DLG1: variants seen among roughly 807,000 people sequenced by gnomAD.
The protein encoded by DLG1 is disks large homolog 1.
Under a neutral mutation model 123.4 loss-of-function variants are expected in DLG1, and 42 were observed. That is an observed-to-expected ratio of 0.34 (90% confidence interval 0.27 to 0.44). The LOEUF is 0.44. Ranked by LOEUF, DLG1 falls within the 20% of genes least tolerant of loss-of-function variation. The probability of loss-of-function intolerance (pLI) is 1.00; values close to 1 mark genes in which losing one functional copy is unlikely to be tolerated. For missense variants in DLG1, 942 were observed against 1,082.6 expected (o/e 0.87, Z 1.82); for synonymous variants, 317 against 356.2 (o/e 0.89, Z 1.24).
chr3:197,170,466 T>C (rs1366620055), intron 5 of DLG1, among the ~76,000 whole-genome samples: 4 of 152,178 alleles, frequency 2.6e-5, no homozygotes, highest in South Asian at 2.1e-4. Context: ...TGGTGTGAGA[T>C]GGTATCTCGT....
intron 3 of DLG1, among the ~76,000 whole-genome samples, chr3:197,293,240 AC>A (rs1325749390): frequency 6.6e-6 from 1 of 152,214 alleles, no homozygotes; most frequent in African/African-American, 2.4e-5. Flanking sequence ...CAGTTCATGG[AC>A]TTTTGTTAAG....
At chr3:197,297,122 T>C in intron 2 of DLG1, 64 bp downstream of exon 2, 1 of 1,583,068 alleles carries the variant, frequency 6.3e-7, no homozygotes, top group Non-Finnish European at 8.7e-7. Context: ...AAAACGGCAA[T>C]CAAAAAACTG....
At chr3:197,124,793 C>T (rs924970056) in intron 11 of DLG1, among the ~76,000 whole-genome samples, 18 of 151,946 alleles carry the variant, frequency 1.2e-4, no homozygotes, top group Admixed American at 1.0e-3. Flanking sequence ...AATCAGCTCT[C>T]GGTGATATTA....
intron 4 of DLG1, among the ~76,000 whole-genome samples, chr3:197,254,951 G>A (rs1440227722): frequency 1.3e-5 from 2 of 152,032 alleles, no homozygotes; most frequent in Non-Finnish European, 2.9e-5. Context: ...AGCTACTCAG[G>A]AGGATGAGGC....
intron 5 of DLG1, among the ~76,000 whole-genome samples, chr3:197,191,719 G>A (rs188128519): frequency 1.3e-4 from 20 of 152,274 alleles, no homozygotes; most frequent in African/African-American, 4.6e-4. Context: ...CCGTGCTGAG[G>A]TTCTTATGTT....
intron 18 of DLG1, among the ~76,000 whole-genome samples, chr3:197,072,976 C>T (rs530344814): frequency 2.6e-5 from 4 of 152,154 alleles, no homozygotes; most frequent in Non-Finnish European, 5.9e-5. Flanking sequence ...GGATTACAGG[C>T]GTGAGTCACC....
At chr3:197,093,164 T>C (rs1415911979) in intron 14 of DLG1, among the ~76,000 whole-genome samples, 1 of 152,000 alleles carries the variant, frequency 6.6e-6, no homozygotes, top group Non-Finnish European at 1.5e-5. Flanking sequence ...ACATTTCTTT[T>C]CTTTTTGTTT....
At chr3:197,195,824 T>C (rs1258744260) in intron 4 of DLG1, among the ~76,000 whole-genome samples, 1 of 67,224 alleles carries the variant, frequency 1.5e-5, no homozygotes, top group Admixed American at 1.4e-4. Flanking sequence ...CAAGCCTCAG[T>C]GACACCAATT....
chr3:197,087,616 A>G (rs928093468), intron 15 of DLG1, among the ~76,000 whole-genome samples: 1 of 152,184 alleles, frequency 6.6e-6, no homozygotes, highest in Non-Finnish European at 1.5e-5. Context: ...AATACAAAAG[A>G]GAGAAGACAA....
intron 24 of DLG1, among the ~76,000 whole-genome samples, chr3:197,048,480 C>G (rs143450856): frequency 6.6e-6 from 1 of 151,962 alleles, no homozygotes; most frequent in Admixed American, 6.6e-5. Context: ...CAAACACACA[C>G]GCAAACCATA....
intron 6 of DLG1, among the ~76,000 whole-genome samples, chr3:197,143,389 G>A (rs1186929298): frequency 6.6e-6 from 1 of 152,112 alleles, no homozygotes; most frequent in Non-Finnish European, 1.5e-5. Flanking sequence ...CCGAGTAGCT[G>A]GGACTACAGG....
chr3:197,275,176 ACT>A (rs1765807612), intron 4 of DLG1, among the ~76,000 whole-genome samples: 2 of 132,346 alleles, frequency 1.5e-5, no homozygotes, highest in Non-Finnish European at 3.3e-5. Flanking sequence ...ACAGAGCAAG[ACT>A]CTGTCTCAAA....
At chr3:197,288,743 A>AC (rs1553827363) in intron 3 of DLG1, among the ~76,000 whole-genome samples, 1 of 72,100 alleles carries the variant, frequency 1.4e-5, no homozygotes. Flanking sequence ...AAAAAAAAAA[A>AC]ATACATACAT....
intron 22 of DLG1, 147 bp downstream of exon 22, chr3:197,065,129 C>T (rs2148878772): frequency 1.5e-6 from 1 of 668,946 alleles, no homozygotes; most frequent in East Asian, 3.0e-5. Flanking sequence ...TATGCACTTT[C>T]CTAAGCCATG....
Position 197,112,621 on chromosome 3 carries a change from C to CT in DLG1, c.1443+3305dup, listed in dbSNP as rs1471714951. ...TTTTTTTTTGAGACAGGGTGTTGCT[C>CT]TGTTGCCCAGGCTGGAGTGCAGTGG... On this transcript the variant is annotated intron_variant, in intron 13 of 24. Coordinates refer to ENST00000667157, the MANE Select transcript of DLG1 (RefSeq NM_001366207.1). Among the ~76,000 whole-genome samples, 7 of 151,622 alleles carry CT rather than the reference C, an allele frequency of 4.6e-5. No individual in the cohort carries two copies. The South Asian group carries it at 1.3e-3, about 27-fold the overall frequency.
chr3:197,292,781 T>G (rs1223303757), intron 3 of DLG1, among the ~76,000 whole-genome samples: 2 of 152,200 alleles, frequency 1.3e-5, no homozygotes, highest in African/African-American at 4.8e-5. Flanking sequence ...AACACTGCAT[T>G]AGAATAAGCT....
chr3:197,278,713 C>T (rs1339303112), intron 4 of DLG1, among the ~76,000 whole-genome samples: 1 of 151,226 alleles, frequency 6.6e-6, no homozygotes, highest in Non-Finnish European at 1.5e-5. Context: ...GACAAATGAC[C>T]TGGCAAGAAT....
intron 4 of DLG1, among the ~76,000 whole-genome samples, chr3:197,256,753 G>T (rs1757057845): frequency 1.3e-5 from 2 of 152,116 alleles, no homozygotes; most frequent in African/African-American, 4.8e-5. Context: ...AACCATAAGG[G>T]ATCAATCTAG....
At chr3:197,263,390 TAAAA>T (rs1760310567) in intron 4 of DLG1, among the ~76,000 whole-genome samples, 1 of 152,052 alleles carries the variant, frequency 6.6e-6, no homozygotes, top group African/African-American at 2.4e-5. Context: ...TTTTGTAAAA[TAAAA>T]AAACTCAATG....
Sources: allele counts gnomAD v4.1 joint callset (sites outside exome capture counted in the v4.1 genomes callset), GRCh38; gene constraint gnomAD v4.1.1; transcripts MANE v1.5; gene names NCBI Gene and HGNC (gene_info 2026-07-23, HGNC 2026-07-21).